EYA4: variants seen among roughly 807,000 people sequenced by gnomAD.
The protein encoded by EYA4 is EYA transcriptional coactivator and phosphatase 4, also known as protein phosphatase EYA4.
A neutral mutation model predicts 87.9 loss-of-function variants in EYA4; 31 were observed. The observed-to-expected ratio is 0.35, with a 90% CI of 0.27 to 0.48. EYA4 has a LOEUF of 0.48. Ranked by LOEUF, EYA4 falls within the 20% of genes least tolerant of loss-of-function variation. The pLI is 0.99. For synonymous variants in EYA4, 263 were observed against 270.6 expected (o/e 0.97, Z 0.28); for missense variants, 678 against 761.4 (o/e 0.89, Z 1.29).
chr6:133,388,565 T>G (rs536479417), intron 3 of EYA4, among the ~76,000 whole-genome samples: 1 of 152,332 alleles, frequency 6.6e-6, no homozygotes, highest in South Asian at 2.1e-4. Context: ...CTTTTTGATT[T>G]CTTTCTGCAC....
chr6:133,245,321 C>T (rs1774316592), intron 1 of EYA4: 1 of 152,184 alleles, frequency 6.6e-6, no homozygotes, highest in Non-Finnish European at 1.5e-5. Context: ...TGAATCCTCT[C>T]ATTGAAGAGC....
At chr6:133,376,397 G>T (rs1304946534) in intron 2 of EYA4, among the ~76,000 whole-genome samples, 13 of 151,718 alleles carry the variant, frequency 8.6e-5, no homozygotes, top group Non-Finnish European at 1.9e-4. Context: ...TGTATAGTAT[G>T]TCCTAAGACT....
intron 3 of EYA4, among the ~76,000 whole-genome samples, chr6:133,417,403 A>G (rs961759423): frequency 1.3e-5 from 2 of 152,128 alleles, no homozygotes; most frequent in Non-Finnish European, 2.9e-5. Flanking sequence ...TTTAGAAGAT[A>G]CTGTCGTGTT....
intron 2 of EYA4, among the ~76,000 whole-genome samples, chr6:133,353,987 T>A (rs966781130): frequency 6.6e-6 from 1 of 152,216 alleles, no homozygotes; most frequent in Non-Finnish European, 1.5e-5. Context: ...TTAGTACTCA[T>A]GTGAGGGAAG....
intron 2 of EYA4, among the ~76,000 whole-genome samples, chr6:133,322,273 C>G (rs62431681): frequency 0.12 from 17,546 of 152,148 alleles, 1,273 homozygotes; most frequent in Non-Finnish European, 0.16. Context: ...TAAGTGTAAG[C>G]CAGAGCTATT....
At chr6:133,405,183 C>T (rs1358992014) in intron 3 of EYA4, among the ~76,000 whole-genome samples, 2 of 152,138 alleles carry the variant, frequency 1.3e-5, no homozygotes, top group African/African-American at 4.8e-5. Flanking sequence ...GACTCCCTAA[C>T]TGGACTTTGA....
At chr6:133,326,841 C>T (rs1312487996) in intron 2 of EYA4, among the ~76,000 whole-genome samples, 1 of 152,170 alleles carries the variant, frequency 6.6e-6, no homozygotes. Context: ...CTTCCATGTG[C>T]TGCCCAATTA....
chr6:133,456,430 T>C, intron 5 of EYA4, 126 bp from the exon 6 acceptor site: 1 of 762,720 alleles, frequency 1.3e-6, no homozygotes, highest in Admixed American at 1.8e-5. Flanking sequence ...TAACAAACTC[T>C]CTTCATCAAC....
intron 7 of EYA4, 53 bp downstream of exon 7, chr6:133,461,233 A>T: frequency 2.5e-6 from 3 of 1,221,832 alleles, no homozygotes; most frequent in Admixed American, 1.7e-5. Context: ...ATGTCTATAC[A>T]TGTTTTATAG....
At chr6:133,357,489 CTAATTG>C (rs1784158834) in intron 2 of EYA4, among the ~76,000 whole-genome samples, 1 of 152,044 alleles carries the variant, frequency 6.6e-6, no homozygotes, top group African/African-American at 2.4e-5. Context: ...GGTACCTAAT[CTAATTG>C]TAAGATAATT....
At chr6:133,459,431 A>G (rs1206055347) in intron 6 of EYA4, among the ~76,000 whole-genome samples, 1 of 152,128 alleles carries the variant, frequency 6.6e-6, no homozygotes, top group Non-Finnish European at 1.5e-5. Flanking sequence ...ATGAATATTT[A>G]TCTTCATGAT....
intron 2 of EYA4, among the ~76,000 whole-genome samples, chr6:133,370,156 G>T (rs1037572832): frequency 6.6e-6 from 1 of 152,102 alleles, no homozygotes; most frequent in African/African-American, 2.4e-5. Flanking sequence ...TGTAAACCTC[G>T]ACACAGTTTC....
chr6:133,445,076 C>A (rs934283502), intron 3 of EYA4, among the ~76,000 whole-genome samples: 2 of 151,986 alleles, frequency 1.3e-5, no homozygotes, highest in South Asian at 4.1e-4. Context: ...CTGCTTTAAT[C>A]GTTCTGTTGG....
At chr6:133,274,657 C>A in intron 1 of EYA4, 59 bp from the exon 2 acceptor site, 6 of 818,458 alleles carry the variant, frequency 7.3e-6, no homozygotes, top group Non-Finnish European at 1.3e-5. Flanking sequence ...GTTTTTGTAA[C>A]CTTACAAATG....
intron 2 of EYA4, among the ~76,000 whole-genome samples, chr6:133,341,957 ATTT>A (rs1406561806): frequency 6.6e-6 from 1 of 152,160 alleles, no homozygotes; most frequent in Non-Finnish European, 1.5e-5. Context: ...TTCAGGATGA[ATTT>A]TATGACAGGA....
At chr6:133,375,318 A>G (rs1310959546) in intron 2 of EYA4, among the ~76,000 whole-genome samples, 4 of 151,988 alleles carry the variant, frequency 2.6e-5, no homozygotes, top group African/African-American at 9.7e-5. Context: ...ACTTTTAAAT[A>G]TTATATTTAG....
At chr6:133,307,716 A>G (rs1354411384) in intron 2 of EYA4, among the ~76,000 whole-genome samples, 1 of 152,210 alleles carries the variant, frequency 6.6e-6, no homozygotes, top group Non-Finnish European at 1.5e-5. Flanking sequence ...TCTAAAAATT[A>G]TCTCACTTAT....
intron 13 of EYA4, among the ~76,000 whole-genome samples, chr6:133,498,935 T>G (rs1797870017): frequency 6.6e-6 from 1 of 152,212 alleles, no homozygotes. Context: ...CCAAATATAT[T>G]CCTAACTTTT....
At chr6:133,395,800 A>G (rs1438075390) in intron 3 of EYA4, among the ~76,000 whole-genome samples, 22 of 152,176 alleles carry the variant, frequency 1.4e-4, no homozygotes, top group Admixed American at 1.4e-3. Flanking sequence ...AGTTTGCTCT[A>G]ACAAGTAGAG....
Sources: gnomAD v4.1 joint callset for allele counts (sites outside exome capture counted in the v4.1 genomes callset) on GRCh38, gnomAD v4.1.1 for gene constraint, MANE v1.5 for transcripts, NCBI Gene and HGNC (gene_info 2026-07-23, HGNC 2026-07-21) for gene names.